Variants in CDYL2 observed in about 807,000 individuals in gnomAD.
CDYL2 encodes chromodomain Y like 2, also known as chromodomain Y-like protein 2.
CDYL2 carries 23 observed loss-of-function variants against 49.4 expected under a neutral mutation model. That is an observed-to-expected ratio of 0.47 (90% CI 0.34 to 0.66). CDYL2 has a LOEUF of 0.66. CDYL2 is among the 30% of genes least tolerant of loss of function. The pLI is 0.01. For missense variants in CDYL2, 678 were observed against 656.4 expected (o/e 1.03, Z -0.36); for synonymous variants, 360 against 268.8 (o/e 1.34, Z -3.32).
chr16:80,675,116 A>G (rs1178807984), intron 2 of CDYL2, among the ~76,000 whole-genome samples: 1 of 152,224 alleles, frequency 6.6e-6, no homozygotes, highest in Admixed American at 6.5e-5. Context: ...GATGCCTCAA[A>G]GGCAGGCCCA....
At chr16:80,638,056 T>A (rs1257771403) in intron 2 of CDYL2, among the ~76,000 whole-genome samples, 3 of 151,896 alleles carry the variant, frequency 2.0e-5, no homozygotes, top group African/African-American at 7.3e-5. Flanking sequence ...AAATAATCTG[T>A]GTTAATGAAT....
chr16:80,659,212 CT>C (rs1262190143), intron 2 of CDYL2, among the ~76,000 whole-genome samples: 13 of 152,176 alleles, frequency 8.5e-5, no homozygotes, highest in Non-Finnish European at 1.6e-4. Context: ...ATTAGATAAA[CT>C]CAGTAAAATA....
intron 1 of CDYL2, among the ~76,000 whole-genome samples, chr16:80,688,326 A>G (rs2142481984): frequency 6.6e-6 from 1 of 152,268 alleles, no homozygotes; most frequent in South Asian, 2.1e-4. Flanking sequence ...GTGGAGGAAG[A>G]CACCTTGGCT....
chr16:80,711,841 A>G (rs1904606560), intron 1 of CDYL2, among the ~76,000 whole-genome samples: 1 of 152,122 alleles, frequency 6.6e-6, no homozygotes, highest in African/African-American at 2.4e-5. Flanking sequence ...TAGCAAGAGC[A>G]TAATGCCCTG....
rs954437269 is a variant in CDYL2, at chr16:80,602,442, G to A, written c.*1946C>T. ...ACCAAGGTCATCAGAAGGACCAGCA[G>A]TCCAGATTAACTTGAGGGTCACTGC... On this transcript the variant is annotated 3_prime_UTR_variant, in exon 7 of 7. Transcript: ENST00000570137. 11 of 152,186 alleles carry A rather than the reference G, an allele frequency of 7.2e-5. No individual in the cohort carries two copies. Among genetic ancestry groups the A allele is most frequent in the African/African-American group, 2.7e-4 (11 of 41,430 alleles). The allele number at this position is 152,186 out of a possible 1,614,324, so 9.4% of individuals were successfully genotyped here. A position where few individuals can be genotyped will look rare whatever the true frequency, so the allele number is the denominator to read the frequency against.
chr16:80,751,541 A>T (rs1906136849), intron 1 of CDYL2, among the ~76,000 whole-genome samples: 1 of 152,232 alleles, frequency 6.6e-6, no homozygotes, highest in Non-Finnish European at 1.5e-5. Flanking sequence ...CTATCAAGGC[A>T]AACAAGACTT....
At chr16:80,632,439 TG>T (rs1335464688) in intron 3 of CDYL2, among the ~76,000 whole-genome samples, 1 of 152,230 alleles carries the variant, frequency 6.6e-6, no homozygotes, top group African/African-American at 2.4e-5. Context: ...CTATTTCATG[TG>T]GGTGAGGTTT....
At chr16:80,714,710 C>A (rs1303225805) in intron 1 of CDYL2, among the ~76,000 whole-genome samples, 1 of 152,188 alleles carries the variant, frequency 6.6e-6, no homozygotes, top group African/African-American at 2.4e-5. Flanking sequence ...CATCCTGGAA[C>A]CCTGACAAGA....
intron 1 of CDYL2, among the ~76,000 whole-genome samples, chr16:80,778,793 T>C (rs1288692178): frequency 6.6e-6 from 1 of 152,012 alleles, no homozygotes; most frequent in Non-Finnish European, 1.5e-5. Flanking sequence ...TAATGGAAAT[T>C]GTAGAACAGA....
intron 2 of CDYL2, among the ~76,000 whole-genome samples, chr16:80,656,533 A>G (rs1049563900): frequency 1.1e-4 from 16 of 152,336 alleles, no homozygotes; most frequent in African/African-American, 9.6e-5. Context: ...TGCATGCTAC[A>G]TATCTGGAAA....
intron 1 of CDYL2, among the ~76,000 whole-genome samples, chr16:80,749,475 CTATT>C (rs565212483): frequency 6.6e-6 from 1 of 152,196 alleles, no homozygotes; most frequent in Non-Finnish European, 1.5e-5. Flanking sequence ...AATTAACCCC[CTATT>C]TAGTCTGTCC....
intron 3 of CDYL2, among the ~76,000 whole-genome samples, chr16:80,621,482 G>C (rs147828253): frequency 1.4e-3 from 210 of 152,368 alleles, no homozygotes; most frequent in African/African-American, 4.8e-3. Flanking sequence ...CCAAGCCCCT[G>C]GTCCAAATTC....
intron 1 of CDYL2, among the ~76,000 whole-genome samples, chr16:80,803,029 A>C (rs74030455): frequency 0.24 from 37,038 of 152,122 alleles, 4,732 homozygotes; most frequent in African/African-American, 0.32. Context: ...GGAGGCCCAG[A>C]AGGCCCTCTG....
At chr16:80,755,296 C>T (rs934925254) in intron 1 of CDYL2, among the ~76,000 whole-genome samples, 1 of 152,172 alleles carries the variant, frequency 6.6e-6, no homozygotes, top group Non-Finnish European at 1.5e-5. Flanking sequence ...GGAGTCTGGA[C>T]ATCTTGAATC....
At chr16:80,800,425 A>G (rs1024231965) in intron 1 of CDYL2, among the ~76,000 whole-genome samples, 1 of 152,198 alleles carries the variant, frequency 6.6e-6, no homozygotes, top group African/African-American at 2.4e-5. Context: ...ACAGCTCTTT[A>G]GCGGTCTGCC....
intron 1 of CDYL2, among the ~76,000 whole-genome samples, chr16:80,712,779 T>A (rs1289808197): frequency 2.0e-5 from 3 of 152,196 alleles, no homozygotes; most frequent in South Asian, 4.1e-4. Flanking sequence ...TGTGTCCCAA[T>A]GCCATCAGAC....
intron 1 of CDYL2, among the ~76,000 whole-genome samples, chr16:80,698,815 G>A (rs1904287195): frequency 6.6e-6 from 1 of 152,104 alleles, no homozygotes. Flanking sequence ...TGTAGAGCCT[G>A]CAGAACCATC....
Position 80,789,076 on chromosome 16 carries a change from T to C in CDYL2, c.24+15074A>G, listed in dbSNP as rs185679184. On this transcript the variant is annotated intron_variant, in intron 1 of 6. Transcript: ENST00000570137. ...AAATTAAAATCACAGTGAGATATCA[T>C]CTTAAACCAGTCAGAATGGCTTTTA... Among the ~76,000 whole-genome samples the C allele has an allele frequency of 2.1e-3, 318 of 152,162 alleles. 2 individuals carry two copies. Among genetic ancestry groups the C allele is most frequent in the African/African-American group, 7.0e-3 (292 of 41,532 alleles).
intron 1 of CDYL2, among the ~76,000 whole-genome samples, chr16:80,692,877 T>A (rs1910471906): frequency 6.6e-6 from 1 of 152,126 alleles, no homozygotes; most frequent in African/African-American, 2.4e-5. Flanking sequence ...AATGACACGA[T>A]CAATGATCAG....
Sources: gnomAD v4.1 joint callset for allele counts (sites outside exome capture counted in the v4.1 genomes callset) on GRCh38, gnomAD v4.1.1 for gene constraint, MANE v1.5 for transcripts, NCBI Gene and HGNC (gene_info 2026-07-23, HGNC 2026-07-21) for gene names.